The following MOB3C variants were observed in gnomAD, a reference collection of about 807,000 sequenced individuals.
The protein encoded by MOB3C is MOB1, Mps One Binder kinase activator-like 2C.
Under a neutral mutation model 19.8 loss-of-function variants are expected in MOB3C, and 17 were observed. The observed-to-expected ratio is 0.86, with a 90% confidence interval of 0.59 to 1.29. The LOEUF (loss-of-function observed/expected upper bound fraction) is 1.29. MOB3C is among the 50% of genes most tolerant of loss of function. The pLI, the probability that MOB3C is intolerant of heterozygous loss-of-function variation, is 0.00. For missense variants in MOB3C, 291 were observed against 301.9 expected (o/e 0.96, Z 0.27); for synonymous variants, 101 against 119.2 (o/e 0.85, Z 0.99).
chr1:46,610,999 A>G (rs1473344602), intron 2 of MOB3C, among the ~76,000 whole-genome samples: 1 of 152,082 alleles, frequency 6.6e-6, no homozygotes, highest in Non-Finnish European at 1.5e-5. Context: ...GCCTTTCATG[A>G]TCTTATCCTG....
chr1:46,613,021 G>A lies in MOB3C; in HGVS notation c.301C>T (p.Gln101Ter), dbSNP rs1178688455. ...GGCCGCCGGTACTGGCGCTCGTCCT[G>A]CCAGCGGTACTCGTAGCGGGGCCCG... Reference protein sequence around the residue: ...AGGPRYEYRWQDERQYRRPAK... With the variant: ...AGGPRYEYRW The change falls in exon 2 of 4, where the codon CAG becomes TAG. Residue 101 changes from glutamine to a stop codon, truncating the protein, a stop_gained. Transcript: ENST00000319928. LOFTEE classifies it high-confidence loss of function. 2.5e-6 allele frequency: 4 copies of A among 1,613,834 alleles called. No individual in the cohort carries two copies. The highest frequency in any genetic ancestry group is 3.4e-6 in the Non-Finnish European group (4 of 1,179,872).
rs1675470395 is a variant in MOB3C, at chr1:46,611,557, G to A, written c.418+1347C>T. Among the ~76,000 whole-genome samples, 1 of 152,164 alleles carries A rather than the reference G, an allele frequency of 6.6e-6. No individual in the cohort carries two copies. The highest frequency in any genetic ancestry group is 1.5e-5 in the Non-Finnish European group (1 of 68,030). On this transcript the variant is annotated intron_variant, in intron 2 of 3. Coordinates refer to ENST00000319928, the MANE Select transcript of MOB3C (RefSeq NM_201403.3). The surrounding 1 kb of genome is among the most constrained non-coding windows in gnomAD (Gnocchi z 4.1). ...GCAGGGACTATGAATCTACATTCAGGTCCACAGCTGGCCCACCCGGCTCTG... is the reference window on the plus strand; with the variant it reads ...GCAGGGACTATGAATCTACATTCAGATCCACAGCTGGCCCACCCGGCTCTG...
intron 1 of MOB3C, chr1:46,615,186 A>T: frequency 1.3e-6 from 1 of 792,746 alleles, no homozygotes; most frequent in Non-Finnish European, 2.1e-6. Flanking sequence ...CCTTTATGAC[A>T]GTTAGAAATA....
At chr1:46,615,117 C>A in intron 1 of MOB3C, 2 of 1,517,028 alleles carry the variant, frequency 1.3e-6, no homozygotes, top group Non-Finnish European at 1.8e-6. Flanking sequence ...GCAAGTGCTT[C>A]CAAAATCCCT....
chr1:46,612,765 C>CCA (rs1675489956), intron 2 of MOB3C, 139 bp downstream of exon 2: 21 of 789,066 alleles, frequency 2.7e-5, no homozygotes, highest in Non-Finnish European at 3.6e-5. Context: ...AGGCACTTAA[C>CCA]CTGTTTCAAC....
rs998108462 is a variant in MOB3C at position 46,613,546 on chromosome 1, AT to A, written c.-50-176del. The A allele has an allele frequency of 1.6e-5, 10 of 628,990 alleles. No homozygotes were observed. The African/African-American group carries it at 1.7e-4, about 10-fold the overall frequency. The allele number at this position is 628,990 out of a possible 1,614,324, so 39.0% of individuals were successfully genotyped here. A position where few individuals can be genotyped will look rare whatever the true frequency, so the allele number is the denominator to read the frequency against. ...CAGTGCCCCGCCCTCTTTCCAGGCTATGTTAGTCCCCCTTGCTAAGCCCCCA... is the reference window on the plus strand; with the variant it reads ...CAGTGCCCCGCCCTCTTTCCAGGCTAGTTAGTCCCCCTTGCTAAGCCCCCA... On this transcript the variant is annotated intron_variant, in intron 1 of 3. Coordinates refer to ENST00000319928, the MANE Select transcript of MOB3C (RefSeq NM_201403.3).
rs921092453 is a variant in MOB3C, at chr1:46,609,278, G to A, written c.*377C>T. The A allele has an allele frequency of 5.8e-6, 2 of 347,646 alleles. No homozygotes were observed. Among genetic ancestry groups the A allele is most frequent in the East Asian group, 7.5e-5 (1 of 13,328 alleles). The allele number at this position is 347,646 out of a possible 1,614,324, so 21.5% of individuals were successfully genotyped here. On this transcript the variant is annotated 3_prime_UTR_variant, in exon 4 of 4. Coordinates refer to ENST00000319928, the MANE Select transcript of MOB3C (RefSeq NM_201403.3). ...CCCCGGCATCTGTGCTCACTCACAGGCAGACTGCTCACTTTCTTGCACCTT... is the reference window on the plus strand; with the variant it reads ...CCCCGGCATCTGTGCTCACTCACAGACAGACTGCTCACTTTCTTGCACCTT...
At chr1:46,609,793 C>G (rs1675430798) in intron 3 of MOB3C, 109 bp from the exon 4 acceptor site, 2 of 1,454,154 alleles carry the variant, frequency 1.4e-6, no homozygotes, top group South Asian at 1.3e-5. Flanking sequence ...GGCCTTCCCC[C>G]AGCAACCCCA....
chr1:46,613,802 G>A (rs1675517063), intron 1 of MOB3C: 1 of 173,852 alleles, frequency 5.8e-6, no homozygotes, highest in Non-Finnish European at 1.2e-5. Flanking sequence ...AGGGTGGAGG[G>A]GGGTCGGGGG....
chr1:46,615,086 C>T (rs1314686576), intron 1 of MOB3C: 1 of 1,606,444 alleles, frequency 6.2e-7, no homozygotes, highest in East Asian at 2.2e-5. Flanking sequence ...TTTGCCATCT[C>T]CATTTTAAAC....
chr1:46,612,115 C>T (rs1445630321), intron 2 of MOB3C, among the ~76,000 whole-genome samples: 2 of 152,184 alleles, frequency 1.3e-5, no homozygotes, highest in African/African-American at 4.8e-5. Context: ...TCACTCATCT[C>T]CCCTCCCTAC....
In MOB3C at chr1:46,612,965, T is replaced by C. The variant is rs4660947; in HGVS notation, c.357A>G (p.Ala119=). Residue 119 remains alanine, a synonymous_variant, in exon 2 of 4, where the codon GCA becomes GCG. Transcript: ENST00000319928. The stretch of plus-strand genomic sequence containing the variant: ...GGCCTTCGATCCAGTCCATGAGCAA[T>C]GCCATATAGCGCGGCGCAGAGAGCT... ...PAKLSAPRYM[A]LLMDWIEGLI... 0.52 allele frequency: 835,850 copies of C among 1,601,208 alleles called. 226,451 individuals are homozygous for C. The highest frequency in any genetic ancestry group is 0.93 in the East Asian group (41,574 of 44,628).
Position 46,609,505 on chromosome 1 carries a change from C to T in MOB3C, c.*150G>A. The stretch of plus-strand genomic sequence containing the variant: ...ACAAGCGGTCAGGGCGACAGGTAGG[C>T]AGACTCCTGAGAACCAGAAGTCCAG... On this transcript the variant is annotated 3_prime_UTR_variant, in exon 4 of 4. Coordinates refer to ENST00000319928, the MANE Select transcript of MOB3C (RefSeq NM_201403.3). The T allele has an allele frequency of 2.1e-6, 2 of 972,414 alleles. No individual in the cohort carries two copies. Among genetic ancestry groups the T allele is most frequent in the Middle Eastern group, 3.0e-4 (1 of 3,346 alleles). 60.2% of individuals were successfully genotyped at this position (972,414 alleles called of 1,614,324 possible).
At chr1:46,610,372 T>G (rs567385095) in intron 2 of MOB3C, among the ~76,000 whole-genome samples, 168 bp from the exon 3 acceptor site, 1 of 152,228 alleles carries the variant, frequency 6.6e-6, no homozygotes, top group African/African-American at 2.4e-5. Context: ...CATACTTTTC[T>G]TTCTTTCTTC....
At chr1:46,609,765 G>A in intron 3 of MOB3C, 81 bp from the exon 4 acceptor site, 2 of 1,568,508 alleles carry the variant, frequency 1.3e-6, no homozygotes, top group Non-Finnish European at 1.7e-6. Context: ...GGGCCTAGCT[G>A]CTCTTCTGTC....
At position 46,609,616 on chromosome 1, in the gene MOB3C, G is replaced by T. The variant is rs760790805; in HGVS notation, c.*39C>A. On this transcript the variant is annotated 3_prime_UTR_variant, in exon 4 of 4. Transcript: ENST00000319928. ...CCCTCTGCCAGCCACCCTATGTTCAGATCGTCCATCTGATGGCCAAAAAAG... is the reference window on the plus strand; with the variant it reads ...CCCTCTGCCAGCCACCCTATGTTCATATCGTCCATCTGATGGCCAAAAAAG... 2 of 1,613,814 alleles carry T rather than the reference G, an allele frequency of 1.2e-6. No individual in the cohort carries two copies. Among genetic ancestry groups the T allele is most frequent in the Non-Finnish European group, 1.7e-6 (2 of 1,179,844 alleles).
At chr1:46,612,671 AAAGAAAG>A (rs1557916202) in intron 2 of MOB3C, among the ~76,000 whole-genome samples, 5 of 109,500 alleles carry the variant, frequency 4.6e-5, no homozygotes, top group Admixed American at 8.5e-5. Flanking sequence ...AAAAAAAAAA[AAAGAAAG>A]AAAGAAAGAA....
intron 1 of MOB3C, chr1:46,614,894 G>C: frequency 8.7e-7 from 1 of 1,151,844 alleles, no homozygotes; most frequent in Non-Finnish European, 1.3e-6. Flanking sequence ...GATGGGGGCA[G>C]TCTGGTAAAA....
intron 3 of MOB3C, 108 bp downstream of exon 3, chr1:46,609,894 C>T (rs1675432198): frequency 3.0e-6 from 4 of 1,342,774 alleles, no homozygotes; most frequent in Non-Finnish European, 4.2e-6. Context: ...AATTGCCTTC[C>T]CCTAATTCAT....
Sources: allele counts gnomAD v4.1 joint callset (sites outside exome capture counted in the v4.1 genomes callset), GRCh38; gene constraint gnomAD v4.1.1; non-coding constraint Gnocchi (gnomAD v3.1); transcripts MANE v1.5; gene names NCBI Gene and HGNC (gene_info 2026-07-23, HGNC 2026-07-21).